Variants in CTNND2 observed in about 807,000 individuals in gnomAD.
The protein encoded by CTNND2 is catenin delta 2, also known as catenin delta-2.
CTNND2 carries 22 observed loss-of-function variants against 144.4 expected under a neutral mutation model. The ratio of observed to expected loss-of-function variants is 0.15; its 90% confidence interval spans 0.11 to 0.22. The LOEUF (loss-of-function observed/expected upper bound fraction) is 0.22. Among genes scored for constraint, CTNND2 ranks in the 10% least tolerant of loss-of-function variants. The pLI, the probability that CTNND2 is intolerant of heterozygous loss-of-function variation, is 1.00. For synonymous variants in CTNND2, 751 were observed against 695.6 expected (o/e 1.08, Z -1.25); for missense variants, 1,353 against 1,618.8 (o/e 0.84, Z 2.82).
At chr5:11,192,650 G>A (rs1736413395) in intron 11 of CTNND2, among the ~76,000 whole-genome samples, 1 of 152,152 alleles carries the variant, frequency 6.6e-6, no homozygotes, top group South Asian at 2.1e-4. Flanking sequence ...AAGGGGTCAT[G>A]AGCCAAAGAA....
chr5:11,364,725 G>T lies in CTNND2; in HGVS notation c.1343C>A (p.Ala448Glu), dbSNP rs1199421146. ...GCTCGTGCGGTAGGTGCCGGTGTGTGCTGGCGGCAGAGGGTCCCCCTGGCT... is the reference window on the plus strand; with the variant it reads ...GCTCGTGCGGTAGGTGCCGGTGTGTTCTGGCGGCAGAGGGTCCCCCTGGCT... Reference protein sequence around the residue: ...SQSQGDPLPPAHTGTYRTSTA... With the variant: ...SQSQGDPLPPEHTGTYRTSTA... The change falls in exon 8 of 22, where the codon GCA becomes GAA. Residue 448 changes from alanine to glutamate, a missense_variant. Ala to Glu is a moderately radical substitution (Grantham distance 107). This residue lies in a region of CTNND2 where 708 missense variants were observed against 706.4 expected (regional missense o/e 1.00). Coordinates refer to ENST00000304623, the MANE Select transcript of CTNND2 (RefSeq NM_001332.4). 1.9e-6 allele frequency: 3 copies of T among 1,613,492 alleles called. No homozygotes were observed. The highest frequency in any genetic ancestry group is 1.7e-6 in the Non-Finnish European group (2 of 1,179,884).
chr5:11,074,546 A>G (rs1284404047), intron 16 of CTNND2, among the ~76,000 whole-genome samples: 4 of 152,210 alleles, frequency 2.6e-5, no homozygotes, highest in African/African-American at 9.7e-5. Context: ...TTGGTTAAAA[A>G]GGTATCTCAA....
chr5:10,983,866 C>T (rs572637990), intron 20 of CTNND2, among the ~76,000 whole-genome samples: 5 of 152,260 alleles, frequency 3.3e-5, no homozygotes, highest in African/African-American at 1.2e-4. Flanking sequence ...TTGTTTCCTG[C>T]CTAAAATCCT....
intron 21 of CTNND2, among the ~76,000 whole-genome samples, chr5:10,976,861 A>C (rs1035122183): frequency 5.3e-5 from 8 of 152,216 alleles, no homozygotes; most frequent in African/African-American, 1.7e-4. Context: ...AAAGACTCAG[A>C]GTGTTCACAG....
chr5:11,455,698 A>G (rs996991653), intron 3 of CTNND2, among the ~76,000 whole-genome samples: 7 of 152,196 alleles, frequency 4.6e-5, no homozygotes, highest in African/African-American at 1.7e-4. Flanking sequence ...AGAAGTGATC[A>G]TACCTCCCTA....
chr5:11,549,910 A>G (rs956973565), intron 3 of CTNND2, among the ~76,000 whole-genome samples: 3 of 152,220 alleles, frequency 2.0e-5, no homozygotes, highest in Admixed American at 6.5e-5. Context: ...TGAAGACATC[A>G]TTATCATTCA....
intron 9 of CTNND2, among the ~76,000 whole-genome samples, chr5:11,308,996 A>G (rs982440674): frequency 6.6e-6 from 1 of 152,176 alleles, no homozygotes; most frequent in Non-Finnish European, 1.5e-5. Context: ...GGTCTTGTGA[A>G]AACTCACTCA....
intron 3 of CTNND2, among the ~76,000 whole-genome samples, chr5:11,501,090 G>A (rs1351599581): frequency 6.6e-6 from 1 of 152,158 alleles, no homozygotes; most frequent in Non-Finnish European, 1.5e-5. Context: ...TACTCTAGTG[G>A]AGTTACTTAA....
At chr5:11,114,964 T>C (rs1259016840) in intron 13 of CTNND2, among the ~76,000 whole-genome samples, 1 of 146,262 alleles carries the variant, frequency 6.8e-6, no homozygotes, top group Non-Finnish European at 1.5e-5. Flanking sequence ...TCTGATCCTT[T>C]CAACAGCCTT....
At chr5:11,873,433 G>A (rs756696614) in intron 1 of CTNND2, among the ~76,000 whole-genome samples, 1 of 152,178 alleles carries the variant, frequency 6.6e-6, no homozygotes, top group Non-Finnish European at 1.5e-5. Context: ...TGGATATACA[G>A]AGACACATTC....
At chr5:11,494,290 C>G (rs914333487) in intron 3 of CTNND2, among the ~76,000 whole-genome samples, 9 of 152,080 alleles carry the variant, frequency 5.9e-5, no homozygotes, top group African/African-American at 2.2e-4. Flanking sequence ...CATGATGGAC[C>G]TTTTGGTCTC....
intron 3 of CTNND2, among the ~76,000 whole-genome samples, chr5:11,462,580 T>C (rs1214213243): frequency 6.6e-6 from 1 of 151,636 alleles, no homozygotes; most frequent in Non-Finnish European, 1.5e-5. Context: ...CAGAAGAATA[T>C]AGAAACAGGT....
At chr5:11,016,442 TC>T (rs1057380419) in intron 18 of CTNND2, among the ~76,000 whole-genome samples, 3 of 152,218 alleles carry the variant, frequency 2.0e-5, no homozygotes, top group South Asian at 2.1e-4. Context: ...AATATTTTTT[TC>T]CCCCATTGCT....
chr5:11,727,047 T>C (rs1787063264), intron 2 of CTNND2, among the ~76,000 whole-genome samples: 1 of 152,180 alleles, frequency 6.6e-6, no homozygotes, highest in Non-Finnish European at 1.5e-5. Flanking sequence ...TATTCACCCA[T>C]AACTGGAACT....
chr5:11,154,227 G>A (rs1289691659), intron 12 of CTNND2, among the ~76,000 whole-genome samples: 1 of 152,206 alleles, frequency 6.6e-6, no homozygotes, highest in South Asian at 2.1e-4. Context: ...TCCATGCAAT[G>A]TTCAGAAGCT....
intron 2 of CTNND2, among the ~76,000 whole-genome samples, chr5:11,713,795 T>C (rs1283573153): frequency 6.6e-6 from 1 of 152,080 alleles, no homozygotes; most frequent in Non-Finnish European, 1.5e-5. Flanking sequence ...CAAATTGCAA[T>C]GAAATATGTC....
chr5:11,719,050 T>A (rs1227049732), intron 2 of CTNND2, among the ~76,000 whole-genome samples: 1 of 152,246 alleles, frequency 6.6e-6, no homozygotes, highest in Admixed American at 6.5e-5. Flanking sequence ...TGTTATTATA[T>A]GCATACATTC....
intron 1 of CTNND2, among the ~76,000 whole-genome samples, chr5:11,779,392 T>C (rs1291619146): frequency 6.6e-6 from 1 of 152,206 alleles, no homozygotes; most frequent in Non-Finnish European, 1.5e-5. Flanking sequence ...TATCTATTGA[T>C]AACACAACAG....
chr5:11,440,655 A>G (rs1764181878), intron 3 of CTNND2, among the ~76,000 whole-genome samples: 1 of 152,216 alleles, frequency 6.6e-6, no homozygotes, highest in Non-Finnish European at 1.5e-5. Flanking sequence ...TTCTCATAAT[A>G]CCAGCATTAT....
Sources: gnomAD v4.1 joint callset for allele counts (sites outside exome capture counted in the v4.1 genomes callset) on GRCh38, gnomAD v4.1.1 for gene constraint, gnomAD v4.1.1 regional missense constraint, MANE v1.5 for transcripts, NCBI Gene and HGNC (gene_info 2026-07-23, HGNC 2026-07-21) for gene names.